MEIS2: variants seen among roughly 807,000 people sequenced by gnomAD.
MEIS2 encodes Meis homeobox 2, also known as homeobox protein Meis2.
Under a neutral mutation model 58.6 loss-of-function variants are expected in MEIS2, and 9 were observed. The ratio of observed to expected loss-of-function variants is 0.15; its 90% CI spans 0.09 to 0.27. MEIS2 has a LOEUF of 0.27. Among genes scored for constraint, MEIS2 ranks in the 10% least tolerant of loss-of-function variants. The probability of loss-of-function intolerance (pLI) is 1.00; values close to 1 mark genes in which losing one functional copy is unlikely to be tolerated. For missense variants in MEIS2, 427 were observed against 635.0 expected (o/e 0.67, Z 3.52); for synonymous variants, 221 against 228.4 (o/e 0.97, Z 0.29).
At chr15:36,964,853 C>T (rs780410701) in intron 8 of MEIS2, among the ~76,000 whole-genome samples, 2 of 152,164 alleles carry the variant, frequency 1.3e-5, no homozygotes, top group African/African-American at 2.4e-5. Flanking sequence ...TTGGAAAATA[C>T]TGGCAGAAAT....
At chr15:36,984,452 A>G (rs2060031480) in intron 8 of MEIS2, among the ~76,000 whole-genome samples, 2 of 152,112 alleles carry the variant, frequency 1.3e-5, no homozygotes, top group South Asian at 4.1e-4. Flanking sequence ...CCACTTGATC[A>G]GGATGTGATC....
intron 8 of MEIS2, among the ~76,000 whole-genome samples, chr15:36,982,351 G>A (rs921500835): frequency 7.9e-5 from 12 of 152,104 alleles, no homozygotes; most frequent in Non-Finnish European, 1.3e-4. Context: ...TCTACCCTCT[G>A]CTTCTAGGAG....
At chr15:37,021,281 C>T (rs1405973746) in intron 8 of MEIS2, among the ~76,000 whole-genome samples, 2 of 152,200 alleles carry the variant, frequency 1.3e-5, no homozygotes, top group Non-Finnish European at 2.9e-5. Context: ...CCAGCCCCTA[C>T]CTAAGACTTT....
At chr15:37,038,921 C>T (rs2062287822) in intron 7 of MEIS2, among the ~76,000 whole-genome samples, 1 of 152,218 alleles carries the variant, frequency 6.6e-6, no homozygotes, top group Non-Finnish European at 1.5e-5. Context: ...TTCTCACCCA[C>T]ACTAATGGCT....
At chr15:36,913,772 A>T (rs1328472968) in intron 9 of MEIS2, among the ~76,000 whole-genome samples, 11 of 151,958 alleles carry the variant, frequency 7.2e-5, no homozygotes, top group Admixed American at 4.6e-4. Context: ...CCTCCTAAGC[A>T]CACAGGTCAG....
intron 8 of MEIS2, among the ~76,000 whole-genome samples, chr15:37,024,783 T>G (rs2141687695): frequency 6.6e-6 from 1 of 152,352 alleles, no homozygotes; most frequent in Middle Eastern, 3.4e-3. Flanking sequence ...AAAACAATTC[T>G]TCTCCACCAG....
intron 9 of MEIS2, among the ~76,000 whole-genome samples, chr15:36,923,086 T>C: frequency 6.6e-6 from 1 of 152,198 alleles, no homozygotes; most frequent in East Asian, 1.9e-4. Context: ...TTAGCAATAA[T>C]ATGTCACAAT....
Position 36,895,088 on chromosome 15 carries a change from G to C in MEIS2, c.1147+63C>G, listed in dbSNP as rs902579913. 8.9e-6 allele frequency: 12 copies of C among 1,343,420 alleles called. No homozygotes were observed. The African/African-American group carries it at 1.4e-4, about 16-fold the overall frequency. 83.2% of individuals were successfully genotyped at this position (1,343,420 alleles called of 1,614,324 possible). A position where few individuals can be genotyped will look rare whatever the true frequency, so the allele number is the denominator to read the frequency against. On this transcript the variant is annotated intron_variant, in intron 11 of 11. Transcript: ENST00000561208. ...TGACAGTGGGATAGTAGAGTGGATG[G>C]AGAGGCTGGTGGAGCAGGTGGCACT...
chr15:37,029,360 T>C (rs2141705633), intron 8 of MEIS2, among the ~76,000 whole-genome samples: 1 of 152,316 alleles, frequency 6.6e-6, no homozygotes, highest in Middle Eastern at 3.4e-3. Context: ...ATTTCCTATT[T>C]GGTATTAATT....
At chr15:37,088,566 G>A (rs1322860181) in intron 6 of MEIS2, among the ~76,000 whole-genome samples, 1 of 152,088 alleles carries the variant, frequency 6.6e-6, no homozygotes, top group Admixed American at 6.6e-5. Flanking sequence ...TTTCAACTCC[G>A]GTGTTGTAAA....
intron 8 of MEIS2, among the ~76,000 whole-genome samples, chr15:36,953,333 T>A (rs1447313783): frequency 6.6e-6 from 1 of 152,216 alleles, no homozygotes; most frequent in African/African-American, 2.4e-5. Flanking sequence ...TCACTTCTTC[T>A]TTGATGTATA....
At chr15:37,020,857 A>T (rs1245478192) in intron 8 of MEIS2, among the ~76,000 whole-genome samples, 1 of 151,444 alleles carries the variant, frequency 6.6e-6, no homozygotes, top group Admixed American at 6.6e-5. Context: ...TAAGCTAAAA[A>T]CTCTGCTCTG....
At chr15:37,047,539 T>C (rs138346049) in intron 7 of MEIS2, among the ~76,000 whole-genome samples, 1 of 152,146 alleles carries the variant, frequency 6.6e-6, no homozygotes, top group Non-Finnish European at 1.5e-5. Flanking sequence ...AACTGGTAAA[T>C]GTTATAATTA....
chr15:36,895,325 T>C (rs2056115777), intron 10 of MEIS2, 64 bp from the exon 11 acceptor site: 1 of 1,392,608 alleles, frequency 7.2e-7, no homozygotes, highest in Non-Finnish European at 1.0e-6. Flanking sequence ...CAATCAGCAA[T>C]TGTTCCCGCT....
chr15:36,907,569 C>A (rs2056803182), intron 9 of MEIS2, among the ~76,000 whole-genome samples: 1 of 152,168 alleles, frequency 6.6e-6, no homozygotes, highest in Non-Finnish European at 1.5e-5. Context: ...CCTCTCAATT[C>A]TCCTGCTGCT....
chr15:37,033,750 G>A (rs543147976), intron 8 of MEIS2, among the ~76,000 whole-genome samples: 1 of 152,178 alleles, frequency 6.6e-6, no homozygotes, highest in South Asian at 2.1e-4. Context: ...GTGCATGTAA[G>A]AAAAGAAATC....
rs368973483 is a variant in MEIS2, at chr15:37,015,454, CCACACACACACACATG to C, written c.900+21344_900+21359del. 7.9e-3 allele frequency among the ~76,000 whole-genome samples: 1,096 copies of C among 139,120 alleles called. 13 individuals carry two copies. The highest frequency in any genetic ancestry group is 0.027 in the African/African-American group (1,044 of 38,180). 91.3% of individuals were successfully genotyped at this position (139,120 alleles called of 152,430 possible). ...CCTTTGTTTTGGTGCAGGAGTATAT[CCACACACACACACATG>C]CACACACACACACAAACACACTTCT... is the stretch of plus-strand genomic sequence containing the variant. On this transcript the variant is annotated intron_variant, in intron 8 of 11. Transcript: ENST00000561208.
chr15:36,929,533 C>T (rs1019360924), intron 9 of MEIS2, among the ~76,000 whole-genome samples: 10 of 152,134 alleles, frequency 6.6e-5, no homozygotes, highest in African/African-American at 2.4e-4. Context: ...TAACATTAAA[C>T]TTCAGGGAGA....
intron 8 of MEIS2, among the ~76,000 whole-genome samples, chr15:36,986,525 C>T (rs2060097740): frequency 6.6e-6 from 1 of 152,234 alleles, no homozygotes; most frequent in Non-Finnish European, 1.5e-5. Flanking sequence ...CTTCCAGCTT[C>T]CTTCAGTGCT....
Sources: allele counts gnomAD v4.1 joint callset (sites outside exome capture counted in the v4.1 genomes callset), GRCh38; gene constraint gnomAD v4.1.1; transcripts MANE v1.5; gene names NCBI Gene and HGNC (gene_info 2026-07-23, HGNC 2026-07-21).